SLC16A2: variants seen among roughly 807,000 people sequenced by gnomAD.
The protein encoded by SLC16A2 is monocarboxylate transporter 8.
Under a neutral mutation model 27.2 loss-of-function variants are expected in SLC16A2, and 3 were observed. The ratio of observed to expected loss-of-function variants is 0.11; its 90% CI spans 0.05 to 0.28. SLC16A2 has a LOEUF of 0.28. Among genes scored for constraint, SLC16A2 ranks in the 10% least tolerant of loss-of-function variants. SLC16A2 has a pLI of 1.00. For missense variants in SLC16A2, 295 were observed against 458.5 expected (o/e 0.64, Z 3.26); for synonymous variants, 202 against 187.8 (o/e 1.08, Z -0.62).
intron 1 of SLC16A2, among the ~76,000 whole-genome samples, chrX:74,519,739 AAAC>A: frequency 1.5e-5 from 1 of 66,666 alleles, no homozygotes; most frequent in African/African-American, 3.7e-5. Context: ...AACAAAAAAA[AAAC>A]GAAAGAAAGA....
chrX:74,428,526 T>G (rs1273703911), intron 1 of SLC16A2, among the ~76,000 whole-genome samples: 1 of 111,232 alleles, frequency 9.0e-6, no homozygotes. Flanking sequence ...TTCCTACTGC[T>G]CAGTTAGAGG....
At chrX:74,439,172 C>CTTTCT (rs1555981268) in intron 1 of SLC16A2, among the ~76,000 whole-genome samples, 1 of 96,510 alleles carries the variant, frequency 1.0e-5, no homozygotes, top group Non-Finnish European at 2.0e-5. Context: ...TTCTTTCTTT[C>CTTTCT]TTTCTTTCTT....
chrX:74,503,630 G>T (rs766942324), intron 1 of SLC16A2, among the ~76,000 whole-genome samples: 14 of 111,856 alleles, frequency 1.3e-4, no homozygotes, highest in African/African-American at 4.6e-4. Flanking sequence ...GGGAAATAAC[G>T]TTAGATGGAG....
At chrX:74,439,236 T>C (rs868243494) in intron 1 of SLC16A2, among the ~76,000 whole-genome samples, 4 of 100,845 alleles carry the variant, frequency 4.0e-5, no homozygotes, top group Non-Finnish European at 5.9e-5. Flanking sequence ...CTCTCTCTCT[T>C]TCTTTCTTTC....
intron 1 of SLC16A2, among the ~76,000 whole-genome samples, chrX:74,474,163 A>G (rs1213913547): frequency 8.9e-6 from 1 of 112,005 alleles, no homozygotes; most frequent in East Asian, 2.8e-4. Flanking sequence ...ATTTACAGAG[A>G]TTGCCATCTT....
At chrX:74,521,991 C>T (rs1305783652) in intron 2 of SLC16A2, among the ~76,000 whole-genome samples, 1 of 111,954 alleles carries the variant, frequency 8.9e-6, no homozygotes, top group Non-Finnish European at 1.9e-5. Context: ...ACCCTAACCA[C>T]AGCCTGAGGA....
At chrX:74,493,609 G>A (rs942360813) in intron 1 of SLC16A2, among the ~76,000 whole-genome samples, 5 of 112,284 alleles carry the variant, frequency 4.5e-5, no homozygotes, top group Non-Finnish European at 7.5e-5. Context: ...CAGGGTGATC[G>A]CCAATGCAGA....
chrX:74,422,603 G>T (rs1460626410), intron 1 of SLC16A2, among the ~76,000 whole-genome samples: 1 of 111,322 alleles, frequency 9.0e-6, no homozygotes, highest in African/African-American at 3.3e-5. Flanking sequence ...TATGAGCGAA[G>T]AGTCAAACAC....
At chrX:74,500,853 TC>T (rs1930018445) in intron 1 of SLC16A2, among the ~76,000 whole-genome samples, 1 of 110,819 alleles carries the variant, frequency 9.0e-6, no homozygotes, top group African/African-American at 3.3e-5. Context: ...ATAATAGGTA[TC>T]CTTTATAAAT....
intron 1 of SLC16A2, among the ~76,000 whole-genome samples, chrX:74,516,647 A>G (rs1443066441): frequency 1.8e-5 from 2 of 111,935 alleles, no homozygotes; most frequent in Non-Finnish European, 3.8e-5. Context: ...ACTTTAAAGC[A>G]CAATAAATAA....
intron 1 of SLC16A2, among the ~76,000 whole-genome samples, chrX:74,501,482 A>G (rs753404151): frequency 4.7e-4 from 53 of 111,659 alleles, no homozygotes; most frequent in Non-Finnish European, 7.0e-4. Flanking sequence ...AGCTGATGAC[A>G]AAAGCACTAG....
intron 1 of SLC16A2, among the ~76,000 whole-genome samples, chrX:74,482,883 A>AT (rs1929649751): frequency 9.0e-6 from 1 of 110,668 alleles, no homozygotes; most frequent in Non-Finnish European, 1.9e-5. Flanking sequence ...AATTTTGTTT[A>AT]TTTTTTGTAG....
chrX:74,524,850 G>T (rs779817917), intron 3 of SLC16A2, 41 bp downstream of exon 3: 21 of 1,116,486 alleles, frequency 1.9e-5, no homozygotes, highest in Non-Finnish European at 2.3e-5. Context: ...CTGGCCCCAA[G>T]AAGCTACCCT....
At chrX:74,487,261 C>T in intron 1 of SLC16A2, among the ~76,000 whole-genome samples, 2 of 110,814 alleles carry the variant, frequency 1.8e-5, no homozygotes, top group South Asian at 7.7e-4. Flanking sequence ...AAAGGGGTCC[C>T]TTAACCCTCA....
chrX:74,449,171 T>G (rs186023125), intron 1 of SLC16A2, among the ~76,000 whole-genome samples: 82 of 112,125 alleles, frequency 7.3e-4, no homozygotes, highest in African/African-American at 2.4e-3. Flanking sequence ...AAGCACAGAC[T>G]GTCATTAGAC....
At chrX:74,422,304 T>C (rs1928320401) in intron 1 of SLC16A2, among the ~76,000 whole-genome samples, 1 of 112,245 alleles carries the variant, frequency 8.9e-6, no homozygotes, top group Non-Finnish European at 1.9e-5. Flanking sequence ...GGGTACGAAC[T>C]GGGACATTCA....
At chrX:74,478,819 T>G (rs952675807) in intron 1 of SLC16A2, among the ~76,000 whole-genome samples, 3 of 112,154 alleles carry the variant, frequency 2.7e-5, no homozygotes, top group African/African-American at 9.7e-5. Flanking sequence ...TCCCCAACTC[T>G]CCTCTGGCTT....
At chrX:74,423,243 G>GC (rs1384771236) in intron 1 of SLC16A2, among the ~76,000 whole-genome samples, 2 of 112,042 alleles carry the variant, frequency 1.8e-5, no homozygotes, top group African/African-American at 6.5e-5. Flanking sequence ...CTCGACTCTT[G>GC]CCACCAGCCC....
chrX:74,523,701 A>C (rs1376433817), intron 2 of SLC16A2, among the ~76,000 whole-genome samples: 1 of 111,300 alleles, frequency 9.0e-6, no homozygotes, highest in Non-Finnish European at 1.9e-5. Context: ...CAAAGGCAGG[A>C]CTCTAAAAGT....
Sources: allele counts gnomAD v4.1 joint callset (sites outside exome capture counted in the v4.1 genomes callset), GRCh38; gene constraint gnomAD v4.1.1; transcripts MANE v1.5; gene names NCBI Gene and HGNC (gene_info 2026-07-23, HGNC 2026-07-21).